The following KDM4C variants were observed in gnomAD, a reference collection of about 807,000 sequenced individuals.
The protein encoded by KDM4C is lysine demethylase 4C.
A neutral mutation model predicts 129.3 loss-of-function variants in KDM4C; 81 were observed. The observed-to-expected ratio is 0.63, with a 90% CI of 0.52 to 0.75. The LOEUF (loss-of-function observed/expected upper bound fraction) is 0.75. Among genes scored for constraint, KDM4C ranks in the 30% least tolerant of loss-of-function variants. The pLI is 0.00. For synonymous variants in KDM4C, 573 were observed against 456.1 expected, an observed-to-expected ratio of 1.26 and a Z score of -3.26; for missense variants, 1,457 against 1,304.0, an observed-to-expected ratio of 1.12 and a Z score of -1.81.
At chr9:6,949,094 G>C (rs973362521) in intron 8 of KDM4C, among the ~76,000 whole-genome samples, 5 of 150,820 alleles carry the variant, frequency 3.3e-5, no homozygotes, top group Admixed American at 6.6e-5. Flanking sequence ...CGGACGGGGC[G>C]GCTGGCCGGG....
chr9:6,821,810 T>C (rs1231603441), intron 4 of KDM4C, among the ~76,000 whole-genome samples: 6 of 152,174 alleles, frequency 3.9e-5, no homozygotes, highest in Non-Finnish European at 8.8e-5. Flanking sequence ...AATTTTTGTA[T>C]TTTTAGCAGA....
chr9:6,827,595 G>T (rs1262404201), intron 4 of KDM4C, among the ~76,000 whole-genome samples: 1 of 152,192 alleles, frequency 6.6e-6, no homozygotes, highest in Non-Finnish European at 1.5e-5. Context: ...TCCAAATGAG[G>T]TAAAACAGTT....
At chr9:6,953,916 T>C (rs1828613125) in intron 8 of KDM4C, among the ~76,000 whole-genome samples, 2 of 152,220 alleles carry the variant, frequency 1.3e-5, no homozygotes, top group Admixed American at 1.3e-4. Context: ...GAATTTGCTC[T>C]CCAAAGTCAC....
Position 7,174,716 on chromosome 9 carries a change from A to G in KDM4C, c.3158A>G (p.Gln1053Arg), listed in dbSNP as rs981277233. 8.1e-6 allele frequency: 13 copies of G among 1,614,038 alleles called. No homozygotes were observed. Among genetic ancestry groups the G allele is most frequent in the African/African-American group, 1.3e-5 (1 of 74,936 alleles). ...AAGAGCTCTTTCCAGAAGAAGTGCCAGAAGAGACAGTAGTCTGCATACATC... is the reference window on the plus strand; with the variant it reads ...AAGAGCTCTTTCCAGAAGAAGTGCCGGAAGAGACAGTAGTCTGCATACATC... ...FLKSSFQKKC[Q>R]KRQ Residue 1053 changes from glutamine (Q) to arginine (R), a missense_variant, in exon 22 of 22, where the codon CAG becomes CGG. Coordinates refer to ENST00000381309, the MANE Select transcript of KDM4C (RefSeq NM_015061.6).
intron 4 of KDM4C, among the ~76,000 whole-genome samples, chr9:6,827,976 T>A (rs975329696): frequency 5.9e-5 from 9 of 152,134 alleles, no homozygotes; most frequent in African/African-American, 1.9e-4. Flanking sequence ...AATGTTTCCG[T>A]TAGTTCTAGA....
intron 5 of KDM4C, among the ~76,000 whole-genome samples, chr9:6,878,307 A>G (rs1454223049): frequency 2.6e-5 from 4 of 152,222 alleles, no homozygotes; most frequent in Non-Finnish European, 5.9e-5. Context: ...ATAATTAGTT[A>G]TGATTTTAAA....
chr9:6,857,462 C>T (rs539181206), intron 5 of KDM4C, among the ~76,000 whole-genome samples: 6 of 152,182 alleles, frequency 3.9e-5, no homozygotes, highest in Non-Finnish European at 7.4e-5. Flanking sequence ...GATCACATAC[C>T]ACTCTAGCAC....
At chr9:7,162,113 T>A (rs1361137133) in intron 19 of KDM4C, among the ~76,000 whole-genome samples, 1 of 152,082 alleles carries the variant, frequency 6.6e-6, no homozygotes, top group Non-Finnish European at 1.5e-5. Flanking sequence ...TGGTGCAGGG[T>A]GAGAAAGGAG....
intron 19 of KDM4C, among the ~76,000 whole-genome samples, chr9:7,159,100 T>C (rs1410589249): frequency 1.3e-5 from 2 of 152,242 alleles, no homozygotes; most frequent in Non-Finnish European, 2.9e-5. Flanking sequence ...TGTAATGGCC[T>C]TCTTTGTCTC....
At chr9:6,888,598 A>G (rs1377257302) in intron 7 of KDM4C, among the ~76,000 whole-genome samples, 1 of 152,176 alleles carries the variant, frequency 6.6e-6, no homozygotes, top group Non-Finnish European at 1.5e-5. Context: ...TGGATCCCAC[A>G]TTCTTTGTGT....
intron 2 of KDM4C, among the ~76,000 whole-genome samples, chr9:6,799,056 G>T (rs1427309338): frequency 6.6e-6 from 1 of 151,802 alleles, no homozygotes; most frequent in Non-Finnish European, 1.5e-5. Flanking sequence ...TGGCGGCCGG[G>T]CAGAGACGCT....
intron 15 of KDM4C, among the ~76,000 whole-genome samples, chr9:7,037,404 G>C (rs1457053239): frequency 1.3e-5 from 2 of 152,110 alleles, no homozygotes; most frequent in Admixed American, 1.3e-4. Flanking sequence ...TCCCTCGGCT[G>C]CAAATAATGA....
At chr9:7,104,954 G>A (rs1036664270) in intron 18 of KDM4C, among the ~76,000 whole-genome samples, 3 of 151,866 alleles carry the variant, frequency 2.0e-5, no homozygotes, top group African/African-American at 7.2e-5. Flanking sequence ...AGATGTGAGT[G>A]AATGCTTAAA....
intron 8 of KDM4C, among the ~76,000 whole-genome samples, chr9:6,964,796 A>AAAC (rs1414327312): frequency 5.3e-5 from 8 of 150,412 alleles, no homozygotes; most frequent in Non-Finnish European, 1.2e-4. Context: ...AAAAAAAAAA[A>AAAC]AAAAACCACA....
intron 18 of KDM4C, among the ~76,000 whole-genome samples, chr9:7,122,867 C>T (rs1839650930): frequency 6.6e-6 from 1 of 152,096 alleles, no homozygotes. Flanking sequence ...TTCAGAACAC[C>T]ATAGCCATTT....
In KDM4C at chr9:6,889,023, C is replaced by T. The variant is rs1173733086; in HGVS notation, c.783+960C>T. Reference sequence around the variant, plus strand: ...CGGGATGGCCTCGATCTCCCGACCTCGTGATCCGCCCGCCTCGGCCTCCCA... The same window carrying T: ...CGGGATGGCCTCGATCTCCCGACCTTGTGATCCGCCCGCCTCGGCCTCCCA... On this transcript the variant is annotated intron_variant, in intron 7 of 21. Coordinates refer to ENST00000381309, the MANE Select transcript of KDM4C (RefSeq NM_015061.6). Among the ~76,000 whole-genome samples, 2 of 132,342 alleles carry T rather than the reference C, an allele frequency of 1.5e-5. 1 individual carries two copies. Among genetic ancestry groups the T allele is most frequent in the Non-Finnish European group, 3.2e-5 (2 of 61,940 alleles). 86.8% of individuals were successfully genotyped at this position (132,342 alleles called of 152,430 possible).
chr9:7,092,597 G>T (rs1835931165), intron 17 of KDM4C, among the ~76,000 whole-genome samples: 1 of 152,166 alleles, frequency 6.6e-6, no homozygotes, highest in Non-Finnish European at 1.5e-5. Context: ...GAGGCACTTT[G>T]TCTTTTACTG....
At chr9:6,747,199 A>C (rs946052937) in intron 1 of KDM4C, among the ~76,000 whole-genome samples, 1 of 136,770 alleles carries the variant, frequency 7.3e-6, no homozygotes, top group Non-Finnish European at 1.5e-5. Context: ...TCTCCAAAAA[A>C]CCAAACCAAC....
At chr9:7,144,820 A>G (rs1010638472) in intron 19 of KDM4C, among the ~76,000 whole-genome samples, 14 of 152,234 alleles carry the variant, frequency 9.2e-5, no homozygotes, top group Non-Finnish European at 4.4e-5. Context: ...GTATCAGAAT[A>G]TTACATGGAG....
Sources: gnomAD v4.1 joint callset for allele counts (sites outside exome capture counted in the v4.1 genomes callset) on GRCh38, gnomAD v4.1.1 for gene constraint, MANE v1.5 for transcripts, NCBI Gene and HGNC (gene_info 2026-07-23, HGNC 2026-07-21) for gene names.